Variants in LIN28B observed in about 807,000 individuals in gnomAD.
LIN28B encodes the protein lin-28 RNA binding posttranscriptional regulator B.
A neutral mutation model predicts 21.9 loss-of-function variants in LIN28B; 5 were observed. That is an observed-to-expected ratio of 0.23 (90% CI 0.12 to 0.48). The LOEUF (loss-of-function observed/expected upper bound fraction) is 0.48. Ranked by LOEUF, LIN28B falls within the 20% of genes least tolerant of loss-of-function variation. The pLI is 0.98. For synonymous variants in LIN28B, 109 were observed against 111.3 expected, an observed-to-expected ratio of 0.98 and a Z score of 0.13; for missense variants, 245 against 310.5, an observed-to-expected ratio of 0.79 and a Z score of 1.58.
At chr6:105,034,747 G>A (rs1181009507) in intron 3 of LIN28B, among the ~76,000 whole-genome samples, 2 of 152,008 alleles carry the variant, frequency 1.3e-5, no homozygotes, top group African/African-American at 2.4e-5. Flanking sequence ...AAAAGAAAGT[G>A]GAGATGTGTG....
chr6:105,033,737 A>G (rs1333849846), intron 3 of LIN28B, among the ~76,000 whole-genome samples: 1 of 151,864 alleles, frequency 6.6e-6, no homozygotes, highest in African/African-American at 2.4e-5. Context: ...GAAATGTTAT[A>G]TTTCTTCTAT....
At chr6:104,940,751 G>A (rs1448094684) in intron 2 of LIN28B, 2 of 151,116 alleles carry the variant, frequency 1.3e-5, no homozygotes, top group African/African-American at 4.9e-5. Context: ...TGCGGCGGCG[G>A]AGTGGTGGCG....
chr6:105,048,581 C>T (rs551517655), intron 3 of LIN28B, among the ~76,000 whole-genome samples: 22 of 152,256 alleles, frequency 1.4e-4, no homozygotes, highest in Middle Eastern at 3.4e-3. Context: ...GGAATAGTTT[C>T]AGAAGGAATG....
In LIN28B at chr6:104,979,486, G is replaced by A. The variant is rs543860963; in HGVS notation, c.198+21200G>A. 1.3e-4 allele frequency among the ~76,000 whole-genome samples: 20 copies of A among 152,068 alleles called. No individual in the cohort carries two copies. In the East Asian group the frequency reaches 3.7e-3, roughly 28 times the overall value. Reference sequence around the variant, plus strand: ...GGCCTCCCAAAGTGCTGGATTACACGTGTGAGACACCGTGCCCAGCCAAAG... The same window carrying A: ...GGCCTCCCAAAGTGCTGGATTACACATGTGAGACACCGTGCCCAGCCAAAG... On this transcript the variant is annotated intron_variant, in intron 2 of 3. Transcript: ENST00000345080.
chr6:104,938,294 C>T (rs1306237414), intron 2 of LIN28B, among the ~76,000 whole-genome samples: 1 of 151,766 alleles, frequency 6.6e-6, no homozygotes, highest in Non-Finnish European at 1.5e-5. Context: ...ACCATGGTCC[C>T]AGGTAGAGGG....
At position 105,082,335 on chromosome 6, in the gene LIN28B, C is replaced by G. The variant is rs1772556416; in HGVS notation, c.*3552C>G. The G allele has an allele frequency of 6.5e-6, 1 of 152,686 alleles. No individual in the cohort carries two copies. The highest frequency in any genetic ancestry group is 2.1e-4 in the South Asian group (1 of 4,818). 9.5% of individuals were successfully genotyped at this position (152,686 alleles called of 1,614,324 possible). A position where few individuals can be genotyped will look rare whatever the true frequency, so the allele number is the denominator to read the frequency against. The stretch of plus-strand genomic sequence containing the variant: ...TCAGTTTTATTTTGCACCAGTGCGG[C>G]CCCAAGTTACTGCTGGTTGTATTTA... On this transcript the variant is annotated 3_prime_UTR_variant, in exon 4 of 4. Transcript: ENST00000345080.
intron 2 of LIN28B, among the ~76,000 whole-genome samples, chr6:105,014,233 A>G (rs914409222): frequency 6.6e-6 from 1 of 152,128 alleles, no homozygotes; most frequent in African/African-American, 2.4e-5. Context: ...CTACAGCTTC[A>G]ACCTCTTAGG....
intron 2 of LIN28B, among the ~76,000 whole-genome samples, chr6:105,018,976 A>C: frequency 6.8e-6 from 1 of 146,426 alleles, no homozygotes; most frequent in Admixed American, 6.8e-5. Flanking sequence ...TTGGAGTTTC[A>C]CTCTTGTTGC....
At chr6:105,004,870 C>T (rs1349180815) in intron 2 of LIN28B, among the ~76,000 whole-genome samples, 1 of 152,182 alleles carries the variant, frequency 6.6e-6, no homozygotes, top group Non-Finnish European at 1.5e-5. Context: ...CTGCTCCAGT[C>T]CAGACTCTGT....
chr6:105,045,960 A>G (rs1018902233), intron 3 of LIN28B, among the ~76,000 whole-genome samples: 3 of 152,132 alleles, frequency 2.0e-5, no homozygotes, highest in African/African-American at 7.2e-5. Context: ...CTATTTTTTC[A>G]TATGATATTT....
At chr6:104,940,707 C>T (rs1778073829) in intron 2 of LIN28B, among the ~76,000 whole-genome samples, 1 of 150,572 alleles carries the variant, frequency 6.6e-6, no homozygotes, top group African/African-American at 2.4e-5. Context: ...CCCGGCTCAG[C>T]CCCCTCCTCC....
At chr6:104,950,335 A>T (rs1442992228) in intron 2 of LIN28B, 4 of 458,082 alleles carry the variant, frequency 8.7e-6, no homozygotes, top group Non-Finnish European at 1.4e-5. Flanking sequence ...TGTAAAAAAA[A>T]GTTTACAGGT....
At chr6:104,954,278 G>C (rs986633244), upstream of LIN28B, among the ~76,000 whole-genome samples, 1 of 152,180 alleles carries the variant, frequency 6.6e-6, no homozygotes, top group Non-Finnish European at 1.5e-5. Flanking sequence ...AAGCATTCTA[G>C]AAGACTCATA....
intron 2 of LIN28B, among the ~76,000 whole-genome samples, chr6:105,003,012 G>A (rs2114293926): frequency 6.6e-6 from 1 of 152,184 alleles, no homozygotes; most frequent in East Asian, 1.9e-4. Context: ...ACTTCGGGCA[G>A]GTTAATTTGG....
chr6:105,025,044 AACTT>A (rs1771261198), intron 2 of LIN28B, among the ~76,000 whole-genome samples: 1 of 152,196 alleles, frequency 6.6e-6, no homozygotes, highest in Non-Finnish European at 1.5e-5. Context: ...GTGTTTTACA[AACTT>A]ACTTGACCAC....
intron 2 of LIN28B, among the ~76,000 whole-genome samples, chr6:104,994,804 G>A (rs1278213392): frequency 6.6e-6 from 1 of 152,190 alleles, no homozygotes; most frequent in African/African-American, 2.4e-5. Context: ...GGATGGAAAG[G>A]TTGGCCTTAA....
chr6:104,959,489 C>G (rs1447708171), intron 2 of LIN28B, among the ~76,000 whole-genome samples: 1 of 152,170 alleles, frequency 6.6e-6, no homozygotes, highest in Non-Finnish European at 1.5e-5. Flanking sequence ...TGAAACCATT[C>G]TGTTTTGATC....
intron 2 of LIN28B, among the ~76,000 whole-genome samples, chr6:104,965,776 ATAAGATTTTACCTGTG>A (rs1361268172): frequency 1.4e-4 from 21 of 152,238 alleles, no homozygotes; most frequent in African/African-American, 4.1e-4. Flanking sequence ...TTGTTGTAAC[ATAAGATTTTACCTGTG>A]TAAGATTTTA....
intron 3 of LIN28B, among the ~76,000 whole-genome samples, chr6:105,037,205 T>C (rs562363979): frequency 6.6e-6 from 1 of 152,252 alleles, no homozygotes; most frequent in East Asian, 1.9e-4. Context: ...AATTTGTTAC[T>C]TGCACTGCTG....
Sources: allele counts gnomAD v4.1 joint callset (sites outside exome capture counted in the v4.1 genomes callset), GRCh38; gene constraint gnomAD v4.1.1; transcripts MANE v1.5; gene names NCBI Gene and HGNC (gene_info 2026-07-23, HGNC 2026-07-21).